CERS6: variants seen among roughly 807,000 people sequenced by gnomAD.
CERS6 encodes the protein ceramide synthase 6, also known as LAG1 homolog, ceramide synthase 6.
In CERS6, 26 loss-of-function variants were observed where a neutral mutation model predicts 56.8. The observed-to-expected ratio is 0.46, with a 90% CI of 0.34 to 0.63. CERS6 has a LOEUF of 0.63. Among genes scored for constraint, CERS6 ranks in the 30% least tolerant of loss-of-function variants. The pLI is 0.01. For synonymous variants in CERS6, 164 were observed against 173.3 expected (o/e 0.95, Z 0.42); for missense variants, 415 against 467.5 (o/e 0.89, Z 1.04).
At chr2:168,640,421 C>A (rs542831139) in intron 4 of CERS6, among the ~76,000 whole-genome samples, 1 of 152,314 alleles carries the variant, frequency 6.6e-6, no homozygotes, top group South Asian at 2.1e-4. Context: ...GTGGGAGATA[C>A]TGATCTCTGT....
chr2:168,746,955 A>G (rs1319013469), intron 8 of CERS6, among the ~76,000 whole-genome samples: 5 of 151,556 alleles, frequency 3.3e-5, no homozygotes, highest in Admixed American at 1.3e-4. Context: ...CTGGAATCAG[A>G]AGTACCTAGT....
At position 168,657,608 on chromosome 2, in the gene CERS6, G is replaced by C. The variant is rs570965423; in HGVS notation, c.465+26566G>C. Among the ~76,000 whole-genome samples, 1,134 of 152,336 alleles carry C rather than the reference G, an allele frequency of 7.4e-3. 7 individuals are homozygous for C. The highest frequency in any genetic ancestry group is 0.011 in the Non-Finnish European group (778 of 68,034). On this transcript the variant is annotated intron_variant, in intron 4 of 9. Coordinates refer to ENST00000305747, the MANE Select transcript of CERS6 (RefSeq NM_203463.3). ...CGTGGGAAGGCAGCCAAGGCCCGGC[G>C]AGAAATCAAGTGCAGCGCCTGTGGA...
rs576753231 is a variant in CERS6 at position 168,479,934 on chromosome 2, C to A, written c.170+23316C>A. On this transcript the variant is annotated intron_variant, in intron 1 of 9. Transcript: ENST00000305747. ...TAATACCTTTTCTGGTCTTTACTAG[C>A]GTGCCTGTCCTAAGCAAAGGTCTTA... 1.4e-4 allele frequency among the ~76,000 whole-genome samples: 22 copies of A among 152,224 alleles called. 1 individual carries two copies. The South Asian group carries it at 4.4e-3, about 30-fold the overall frequency.
intron 6 of CERS6, among the ~76,000 whole-genome samples, chr2:168,697,553 C>CTT (rs113250500): frequency 0.028 from 3,901 of 141,188 alleles, 80 homozygotes; most frequent in Non-Finnish European, 0.042. Context: ...AACATTCTTC[C>CTT]TTTTTTTTTT....
chr2:168,473,841 G>C (rs1694021270), intron 1 of CERS6, among the ~76,000 whole-genome samples: 1 of 151,948 alleles, frequency 6.6e-6, no homozygotes, highest in Admixed American at 6.6e-5. Context: ...TGTCCTTTTG[G>C]ACCTTTTTCA....
At chr2:168,728,567 A>G (rs998472244) in intron 8 of CERS6, among the ~76,000 whole-genome samples, 1 of 151,356 alleles carries the variant, frequency 6.6e-6, no homozygotes, top group African/African-American at 2.4e-5. Context: ...TTGTATTTTT[A>G]GTAGAGATGG....
intron 4 of CERS6, among the ~76,000 whole-genome samples, chr2:168,663,904 C>T (rs1574140567): frequency 6.6e-6 from 1 of 152,098 alleles, no homozygotes; most frequent in African/African-American, 2.4e-5. Flanking sequence ...AAAATGGCTG[C>T]TCTTCACTGC....
chr2:168,606,803 C>T (rs1684063492), intron 3 of CERS6, among the ~76,000 whole-genome samples: 1 of 152,120 alleles, frequency 6.6e-6, no homozygotes, highest in South Asian at 2.1e-4. Context: ...CTTGGTTTAA[C>T]ATCATCTGCC....
chr2:168,579,110 A>G (rs1337069859), intron 3 of CERS6, among the ~76,000 whole-genome samples: 2 of 152,206 alleles, frequency 1.3e-5, no homozygotes, highest in Non-Finnish European at 2.9e-5. Flanking sequence ...ATGAATTCCC[A>G]TGTATCCATC....
At chr2:168,735,038 A>C (rs1394474270) in intron 8 of CERS6, among the ~76,000 whole-genome samples, 1 of 152,258 alleles carries the variant, frequency 6.6e-6, no homozygotes, top group Non-Finnish European at 1.5e-5. Flanking sequence ...ATAAAGTATC[A>C]TCCAAGCACA....
chr2:168,725,421 G>A lies in CERS6; in HGVS notation c.845+7443G>A, dbSNP rs149044345. Among the ~76,000 whole-genome samples the A allele has an allele frequency of 7.1e-3, 1,089 of 152,386 alleles. 11 individuals carry two copies. The highest frequency in any genetic ancestry group is 0.024 in the African/African-American group (1,018 of 41,602). On this transcript the variant is annotated intron_variant, in intron 8 of 9. Coordinates refer to ENST00000305747, the MANE Select transcript of CERS6 (RefSeq NM_203463.3). ...CCCAGGCACAGGAGGCGCCGAGAGC[G>A]AGCGAGGGCTGTGAGGACTGCCAGC...
chr2:168,583,814 A>G (rs555650065), intron 3 of CERS6, among the ~76,000 whole-genome samples: 5 of 152,358 alleles, frequency 3.3e-5, no homozygotes, highest in East Asian at 1.9e-4. Flanking sequence ...CTATCATTCA[A>G]TAAAATGAAT....
rs1213919086 is a variant in CERS6 at position 168,695,107 on chromosome 2, G to A, written c.609+56G>A. ...AAGCATGCATCTTTAATGGCCCTTA[G>A]CAGGTGGGTTTAGACTCTCAAAGGC... On this transcript the variant is annotated intron_variant, in intron 6 of 9. Coordinates refer to ENST00000305747, the MANE Select transcript of CERS6 (RefSeq NM_203463.3). The A allele has an allele frequency of 7.0e-6, 10 of 1,423,768 alleles. No homozygotes were observed. In the East Asian group the frequency reaches 2.3e-4, roughly 32 times the overall value. The allele number at this position is 1,423,768 out of a possible 1,614,324, so 88.2% of individuals were successfully genotyped here. A position where few individuals can be genotyped will look rare whatever the true frequency, so the allele number is the denominator to read the frequency against.
At chr2:168,474,807 G>A (rs1017393155) in intron 1 of CERS6, among the ~76,000 whole-genome samples, 1 of 152,186 alleles carries the variant, frequency 6.6e-6, no homozygotes, top group Admixed American at 6.5e-5. Flanking sequence ...CAGGAATGGT[G>A]AGTGTTGTGT....
intron 8 of CERS6, among the ~76,000 whole-genome samples, chr2:168,755,835 C>T (rs983123056): frequency 6.6e-6 from 1 of 152,200 alleles, no homozygotes. Flanking sequence ...AGATTTTCTA[C>T]TTTAACTGAG....
At chr2:168,670,919 A>G (rs904119965) in intron 4 of CERS6, among the ~76,000 whole-genome samples, 2 of 138,576 alleles carry the variant, frequency 1.4e-5, no homozygotes, top group Non-Finnish European at 3.0e-5. Context: ...CTAAATTCCT[A>G]GTACCTGTAA....
chr2:168,516,592 A>T (rs1694888292), intron 1 of CERS6, among the ~76,000 whole-genome samples: 1 of 152,116 alleles, frequency 6.6e-6, no homozygotes, highest in Non-Finnish European at 1.5e-5. Context: ...CCTGCCTTTT[A>T]CAGTTATTTT....
intron 8 of CERS6, among the ~76,000 whole-genome samples, chr2:168,737,367 A>G (rs1683748269): frequency 6.6e-6 from 1 of 152,202 alleles, no homozygotes; most frequent in African/African-American, 2.4e-5. Flanking sequence ...CTTTTTCTCT[A>G]ATGTGTAAGG....
chr2:168,588,914 A>G (rs528630796), intron 3 of CERS6, among the ~76,000 whole-genome samples: 464 of 152,096 alleles, frequency 3.1e-3, no homozygotes, highest in Non-Finnish European at 4.9e-3. Flanking sequence ...ATTTTTTTGT[A>G]TCTTTAGTAG....
Sources: gnomAD v4.1 joint callset for allele counts (sites outside exome capture counted in the v4.1 genomes callset) on GRCh38, gnomAD v4.1.1 for gene constraint, MANE v1.5 for transcripts, NCBI Gene and HGNC (gene_info 2026-07-23, HGNC 2026-07-21) for gene names.